The following DLGAP3 variants were observed in gnomAD, a reference collection of about 807,000 sequenced individuals.
DLGAP3 encodes the protein disks large-associated protein 3.
A neutral mutation model predicts 81.2 loss-of-function variants in DLGAP3; 17 were observed. The ratio of observed to expected loss-of-function variants is 0.21; its 90% CI spans 0.14 to 0.31. The LOEUF (loss-of-function observed/expected upper bound fraction) is 0.31. Among genes scored for constraint, DLGAP3 ranks in the 10% least tolerant of loss-of-function variants. The pLI is 1.00. For synonymous variants in DLGAP3, 577 were observed against 587.4 expected (o/e 0.98, Z 0.26); for missense variants, 1,124 against 1,388.0 (o/e 0.81, Z 3.02).
In DLGAP3 at chr1:34,904,430, C is replaced by T. The variant is rs1300988328; in HGVS notation, c.954G>A (p.Met318Ile). 6.2e-7 allele frequency: 1 copy of T among 1,614,136 alleles called. No individual in the cohort carries two copies. Among genetic ancestry groups the T allele is most frequent in the South Asian group, 1.1e-5 (1 of 91,084 alleles). Reference protein sequence around the residue: ...SEGRCLACTGMSMSLDGQSVK... With the variant: ...SEGRCLACTGISMSLDGQSVK... The stretch of plus-strand genomic sequence containing the variant: ...CCGACTGTCCATCCAGTGACATGGA[C>T]ATGCCAGTGCAGGCAAGGCAGCGGC... The change falls in exon 3 of 12, where the codon ATG (methionine) becomes ATA (isoleucine). Residue 318 changes from methionine to isoleucine, a missense_variant. Met to Ile is a conservative substitution (Grantham distance 10). This residue lies in a region of DLGAP3 where 357 missense variants were observed against 408.8 expected (regional missense o/e 0.87). Coordinates refer to ENST00000373347, the MANE Select transcript of DLGAP3 (RefSeq NM_001080418.3). This position sits in a 1 kb window ranked among gnomAD's most constrained non-coding sequence, Gnocchi z 8.1.
At chr1:34,891,540 A>T (rs1639311815) in intron 5 of DLGAP3, among the ~76,000 whole-genome samples, 1 of 152,210 alleles carries the variant, frequency 6.6e-6, no homozygotes. Context: ...CACAGCAGAG[A>T]CCAGAGAAGC....
intron 1 of DLGAP3, among the ~76,000 whole-genome samples, chr1:34,916,875 T>C (rs547675561): frequency 9.9e-5 from 15 of 152,018 alleles, no homozygotes; most frequent in Non-Finnish European, 1.8e-4. Flanking sequence ...CTTTTTTGCA[T>C]GTTAGAAGAG....
chr1:34,891,445 T>C (rs1639310767), intron 5 of DLGAP3, among the ~76,000 whole-genome samples: 2 of 152,186 alleles, frequency 1.3e-5, no homozygotes, highest in South Asian at 4.1e-4. Context: ...CAGGAATTTA[T>C]CAGAAAATTC....
chr1:34,870,204 T>C (rs1638958737), intron 8 of DLGAP3, among the ~76,000 whole-genome samples: 1 of 152,226 alleles, frequency 6.6e-6, no homozygotes, highest in Admixed American at 6.5e-5. Flanking sequence ...TTTTCATTTT[T>C]TCCCTGAATT....
intron 5 of DLGAP3, among the ~76,000 whole-genome samples, chr1:34,894,114 G>C (rs1639351457): frequency 6.6e-6 from 1 of 152,124 alleles, no homozygotes; most frequent in Non-Finnish European, 1.5e-5. Flanking sequence ...ATTGAGCCTG[G>C]GAGGTCAAGG....
chr1:34,928,436 G>A (rs1479284270), intron 1 of DLGAP3, among the ~76,000 whole-genome samples: 1 of 151,860 alleles, frequency 6.6e-6, no homozygotes, highest in East Asian at 1.9e-4. Flanking sequence ...CACCCACCAG[G>A]GGCCTTAGCA....
chr1:34,895,207 A>T lies in DLGAP3; in HGVS notation c.1386+4462T>A, dbSNP rs1355217020. ...ACGGTGAAACCCCGTCTGTACTAAA[A>T]ATACAAAAAAATTAGCCAGGCGTGG... is the stretch of plus-strand genomic sequence containing the variant. On this transcript the variant is annotated intron_variant, in intron 5 of 11. Transcript: ENST00000373347. The surrounding 1 kb of genome is among the most constrained non-coding windows in gnomAD (Gnocchi z 4.5). Among the ~76,000 whole-genome samples, 1 of 152,058 alleles carries T rather than the reference A, an allele frequency of 6.6e-6. No individual in the cohort carries two copies. The highest frequency in any genetic ancestry group is 1.5e-5 in the Non-Finnish European group (1 of 68,000).
chr1:34,907,026 C>A (rs148657980), intron 2 of DLGAP3, among the ~76,000 whole-genome samples: 2 of 152,264 alleles, frequency 1.3e-5, no homozygotes, highest in African/African-American at 4.8e-5. Context: ...AGGCTCCAGA[C>A]AGCAACACCT....
In DLGAP3 at chr1:34,895,822, A is replaced by G. The variant is rs1639371413; in HGVS notation, c.1386+3847T>C. On this transcript the variant is annotated intron_variant, in intron 5 of 11. Transcript: ENST00000373347. This position sits in a 1 kb window ranked among gnomAD's most constrained non-coding sequence, Gnocchi z 4.5. ...TTGAAAAAGGGGCCAAGAAATTTCA[A>G]TGAGGACATAAAAGCCTTTTCAACA... Among the ~76,000 whole-genome samples, 2 of 152,156 alleles carry G rather than the reference A, an allele frequency of 1.3e-5. No individual in the cohort carries two copies. Among genetic ancestry groups the G allele is most frequent in the South Asian group, 4.1e-4 (2 of 4,834 alleles).
Position 34,902,336 on chromosome 1 carries a change from C to T in DLGAP3, c.1107+1941G>A, listed in dbSNP as rs1344100805. On this transcript the variant is annotated intron_variant, in intron 3 of 11. Transcript: ENST00000373347. This position sits in a 1 kb window ranked among gnomAD's most constrained non-coding sequence, Gnocchi z 4.4. ...AAGGAACCCACGGGCAGGAGCAGGG[C>T]TCTTCAAGGGGCTAGGGCTCATTTG... 2.0e-5 allele frequency among the ~76,000 whole-genome samples: 3 copies of T among 152,064 alleles called. No individual in the cohort carries two copies. The highest frequency in any genetic ancestry group is 4.4e-5 in the Non-Finnish European group (3 of 67,982).
At position 34,901,914 on chromosome 1, in the gene DLGAP3, T is replaced by C. The variant is rs1639466066; in HGVS notation, c.1108-1641A>G. On this transcript the variant is annotated intron_variant, in intron 3 of 11. Coordinates refer to ENST00000373347, the MANE Select transcript of DLGAP3 (RefSeq NM_001080418.3). ...GAATGATGGAAAGAGCCAGTAAAAA[T>C]AGTCTTTAAACCTCAGAAGGGAGAA... Among the ~76,000 whole-genome samples the C allele has an allele frequency of 2.0e-5, 3 of 152,122 alleles. No homozygotes were observed. In the South Asian group the frequency reaches 6.2e-4, roughly 32 times the overall value.
At position 34,885,768 on chromosome 1, in the gene DLGAP3, G is replaced by C. The variant is rs1639215576; in HGVS notation, c.1624C>G (p.Pro542Ala). 3 of 1,413,058 alleles carry C rather than the reference G, an allele frequency of 2.1e-6. No individual in the cohort carries two copies. Among genetic ancestry groups the C allele is most frequent in the Non-Finnish European group, 2.7e-6 (3 of 1,091,960 alleles). The allele number at this position is 1,413,058 out of a possible 1,614,324, so 87.5% of individuals were successfully genotyped here. ...GCCTGGCTTCCCGGCGGGATGGGGG[G>C]CGGGGCCTTTCTGAAGTTGAAGGCT... ...GSSFNFRKAPPPIPPGSQAPP... is the reference protein window; with the variant it reads ...GSSFNFRKAPAPIPPGSQAPP... Residue 542 changes from proline to alanine, a missense_variant, in exon 7 of 12, where the codon CCC becomes GCC. Physicochemically the swap from Pro to Ala is conservative, Grantham distance 27. This residue lies in a region of DLGAP3 where 379 missense variants were observed against 455.7 expected (regional missense o/e 0.83). Coordinates refer to ENST00000373347, the MANE Select transcript of DLGAP3 (RefSeq NM_001080418.3).
intron 1 of DLGAP3, among the ~76,000 whole-genome samples, chr1:34,916,558 C>T (rs1212664179): frequency 6.6e-6 from 1 of 152,238 alleles, no homozygotes; most frequent in Non-Finnish European, 1.5e-5. Context: ...GAAAATTTCC[C>T]AAGGTCACAT....
At chr1:34,877,993 G>C (rs946227380) in intron 8 of DLGAP3, among the ~76,000 whole-genome samples, 1 of 152,170 alleles carries the variant, frequency 6.6e-6, no homozygotes, top group Non-Finnish European at 1.5e-5. Context: ...CTAAACTCTA[G>C]CTATAAATCG....
Position 34,895,350 on chromosome 1 carries a change from A to T in DLGAP3, c.1386+4319T>A. Among the ~76,000 whole-genome samples, 1 of 151,246 alleles carries T rather than the reference A, an allele frequency of 6.6e-6. No homozygotes were observed. The highest frequency in any genetic ancestry group is 1.5e-5 in the Non-Finnish European group (1 of 67,830). On this transcript the variant is annotated intron_variant, in intron 5 of 11. Transcript: ENST00000373347. The surrounding 1 kb of genome is among the most constrained non-coding windows in gnomAD (Gnocchi z 4.5). ...GCCACTGCACTCCTACCTGGGCGAC[A>T]GAGCGAGACTGTCTCAAAAAAAAAA...
At chr1:34,925,892 T>A (rs979406817) in intron 1 of DLGAP3, among the ~76,000 whole-genome samples, 1 of 152,242 alleles carries the variant, frequency 6.6e-6, no homozygotes, top group Non-Finnish European at 1.5e-5. Flanking sequence ...CAGAAAAAGA[T>A]CAGATCCCCA....
chr1:34,914,074 A>G (rs1031244218), intron 1 of DLGAP3, among the ~76,000 whole-genome samples: 1 of 152,126 alleles, frequency 6.6e-6, no homozygotes, highest in Non-Finnish European at 1.5e-5. Context: ...GGGCTGCAGG[A>G]GCAGGGTTCG....
At chr1:34,897,847 G>A (rs555885644) in intron 5 of DLGAP3, among the ~76,000 whole-genome samples, 3 of 152,308 alleles carry the variant, frequency 2.0e-5, no homozygotes, top group Admixed American at 6.5e-5. Flanking sequence ...GGACCAGCAG[G>A]ATCAGCTGAA....
Position 34,928,940 on chromosome 1 carries a change from C to CA in DLGAP3, c.-135+510dup, listed in dbSNP as rs1369388483. ...GCATACACCCACTAACATGCACACA[C>CA]ACTCTCGCCCACAGTGACACACGCA... is the stretch of plus-strand genomic sequence containing the variant. On this transcript the variant is annotated intron_variant, in intron 1 of 11. Transcript: ENST00000373347. Among the ~76,000 whole-genome samples the CA allele has an allele frequency of 5.3e-5, 8 of 152,132 alleles. No individual in the cohort carries two copies. In the South Asian group the frequency reaches 1.5e-3, roughly 28 times the overall value.
Sources: allele counts gnomAD v4.1 joint callset (sites outside exome capture counted in the v4.1 genomes callset), GRCh38; gene constraint gnomAD v4.1.1; regional missense constraint gnomAD v4.1.1; non-coding constraint Gnocchi (gnomAD v3.1); transcripts MANE v1.5; gene names NCBI Gene and HGNC (gene_info 2026-07-23, HGNC 2026-07-21).